The following SEMA6D variants were observed in gnomAD, a reference collection of about 807,000 sequenced individuals.
SEMA6D encodes the protein semaphorin 6D.
A neutral mutation model predicts 106.6 loss-of-function variants in SEMA6D; 35 were observed. The observed-to-expected ratio is 0.33, with a 90% confidence interval of 0.25 to 0.44. The LOEUF (loss-of-function observed/expected upper bound fraction) is 0.44, where lower values mean the gene tolerates loss of function less well. SEMA6D is among the 20% of genes least tolerant of loss of function. The pLI is 1.00. For missense variants in SEMA6D, 1,185 were observed against 1,345.9 expected (o/e 0.88, Z 1.87); for synonymous variants, 499 against 487.7 (o/e 1.02, Z -0.31).
chr15:47,505,386 C>A (rs1385974929), intron 3 of SEMA6D, among the ~76,000 whole-genome samples: 3 of 152,150 alleles, frequency 2.0e-5, no homozygotes, highest in Non-Finnish European at 4.4e-5. Context: ...AGTGACAACA[C>A]TTAAAGTTTA....
chr15:47,550,027 G>A (rs563853909), intron 3 of SEMA6D, among the ~76,000 whole-genome samples: 76 of 152,300 alleles, frequency 5.0e-4, no homozygotes, highest in African/African-American at 1.8e-3. Context: ...GAGTAGAAAG[G>A]TATCTTTGCC....
At chr15:47,486,510 A>G (rs2043300851) in intron 3 of SEMA6D, among the ~76,000 whole-genome samples, 1 of 152,134 alleles carries the variant, frequency 6.6e-6, no homozygotes, top group Non-Finnish European at 1.5e-5. Flanking sequence ...ACACCCTCTC[A>G]CCCATTTTCA....
At chr15:47,188,027 TCTTTG>T (rs1164564268) in intron 1 of SEMA6D, among the ~76,000 whole-genome samples, 1 of 152,218 alleles carries the variant, frequency 6.6e-6, no homozygotes, top group Admixed American at 6.5e-5. Context: ...TTTCATGGTG[TCTTTG>T]CTTTGCTACA....
intron 1 of SEMA6D, among the ~76,000 whole-genome samples, chr15:47,284,466 A>G (rs1050996915): frequency 6.6e-6 from 1 of 152,176 alleles, no homozygotes; most frequent in Non-Finnish European, 1.5e-5. Flanking sequence ...CCGTTGTACT[A>G]TGAGTCTATT....
chr15:47,421,065 A>G (rs966246598), intron 2 of SEMA6D, among the ~76,000 whole-genome samples: 12 of 152,190 alleles, frequency 7.9e-5, no homozygotes, highest in African/African-American at 2.4e-4. Context: ...AGTAGATGAT[A>G]CGAGTCAGTG....
chr15:47,429,566 C>T (rs2041456810), intron 2 of SEMA6D, among the ~76,000 whole-genome samples: 1 of 152,030 alleles, frequency 6.6e-6, no homozygotes, highest in African/African-American at 2.4e-5. Flanking sequence ...GGCAACAGAA[C>T]ACCAACAAAA....
At chr15:47,697,124 G>A (rs1420412433) in intron 4 of SEMA6D, among the ~76,000 whole-genome samples, 1 of 152,144 alleles carries the variant, frequency 6.6e-6, no homozygotes, top group Non-Finnish European at 1.5e-5. Context: ...CTTGGCACCA[G>A]ATTTTAAAGA....
intron 2 of SEMA6D, among the ~76,000 whole-genome samples, chr15:47,433,275 A>G (rs16959486): frequency 6.6e-6 from 1 of 152,052 alleles, no homozygotes; most frequent in Non-Finnish European, 1.5e-5. Context: ...TGTTACTGGA[A>G]TACTAATAAA....
At chr15:47,493,714 A>G (rs1222951607) in intron 3 of SEMA6D, among the ~76,000 whole-genome samples, 1 of 152,140 alleles carries the variant, frequency 6.6e-6, no homozygotes, top group Non-Finnish European at 1.5e-5. Flanking sequence ...TAAAATTACT[A>G]CAATCTCTTG....
At chr15:47,639,985 GA>G (rs948325822) in intron 4 of SEMA6D, among the ~76,000 whole-genome samples, 1 of 152,124 alleles carries the variant, frequency 6.6e-6, no homozygotes, top group Non-Finnish European at 1.5e-5. Flanking sequence ...AATAAACTAT[GA>G]TGTTAGTTAA....
At chr15:47,238,348 G>C (rs559058006) in intron 1 of SEMA6D, among the ~76,000 whole-genome samples, 1 of 152,158 alleles carries the variant, frequency 6.6e-6, no homozygotes, top group African/African-American at 2.4e-5. Flanking sequence ...TTATGAAAGT[G>C]AAACACATTG....
chr15:47,280,303 G>T (rs1021614142), intron 1 of SEMA6D, among the ~76,000 whole-genome samples: 1 of 151,850 alleles, frequency 6.6e-6, no homozygotes, highest in African/African-American at 2.4e-5. Flanking sequence ...AGATTTTCTA[G>T]TTTATTTGCG....
At chr15:47,406,955 TAAAA>T (rs2040592963) in intron 1 of SEMA6D, among the ~76,000 whole-genome samples, 1 of 151,658 alleles carries the variant, frequency 6.6e-6, no homozygotes, top group Non-Finnish European at 1.5e-5. Flanking sequence ...AAAACAAAAA[TAAAA>T]ACAACAACAA....
chr15:47,342,377 C>G (rs1203313532), intron 1 of SEMA6D, among the ~76,000 whole-genome samples: 1 of 152,190 alleles, frequency 6.6e-6, no homozygotes, highest in African/African-American at 2.4e-5. Context: ...TTTGTAACAA[C>G]TGCTAATCAG....
At chr15:47,627,180 G>A (rs1393153283) in intron 4 of SEMA6D, among the ~76,000 whole-genome samples, 1 of 152,124 alleles carries the variant, frequency 6.6e-6, no homozygotes, top group Non-Finnish European at 1.5e-5. Flanking sequence ...TATGATTGAA[G>A]TAGGAGGAGT....
chr15:47,303,184 A>G (rs1359002063), intron 1 of SEMA6D, among the ~76,000 whole-genome samples: 2 of 152,240 alleles, frequency 1.3e-5, no homozygotes, highest in Admixed American at 6.5e-5. Context: ...ACAGACCTTC[A>G]TCACCGCCTT....
intron 1 of SEMA6D, among the ~76,000 whole-genome samples, chr15:47,322,887 G>A (rs1448585384): frequency 6.6e-6 from 1 of 152,034 alleles, no homozygotes; most frequent in Non-Finnish European, 1.5e-5. Flanking sequence ...TAGATTCCAA[G>A]GGAAAAGTCT....
At chr15:47,709,492 C>G (rs1439530308) in intron 4 of SEMA6D, among the ~76,000 whole-genome samples, 2 of 152,216 alleles carry the variant, frequency 1.3e-5, no homozygotes, top group Non-Finnish European at 2.9e-5. Flanking sequence ...TCGTTTATCT[C>G]TGTGTAGCAC....
At chr15:47,708,362 C>G (rs2078953212) in intron 4 of SEMA6D, among the ~76,000 whole-genome samples, 1 of 152,198 alleles carries the variant, frequency 6.6e-6, no homozygotes, top group African/African-American at 2.4e-5. Context: ...CTGCTGCCCT[C>G]TCTGCCCAAA....
Sources: allele counts gnomAD v4.1 joint callset (sites outside exome capture counted in the v4.1 genomes callset), GRCh38; gene constraint gnomAD v4.1.1; transcripts MANE v1.5; gene names NCBI Gene and HGNC (gene_info 2026-07-23, HGNC 2026-07-21).